Variants in GGT5 observed in about 807,000 individuals in gnomAD.
GGT5 encodes glutathione hydrolase 5 proenzyme.
GGT5 carries 50 observed loss-of-function variants against 58.1 expected under a neutral mutation model. That is an observed-to-expected ratio of 0.86 (90% CI 0.69 to 1.09). The LOEUF is 1.09. Ranked by LOEUF, GGT5 falls within the 50% of genes least tolerant of loss-of-function variation. The pLI is 0.00. For missense variants in GGT5, 800 were observed against 789.4 expected, an observed-to-expected ratio of 1.01 and a Z score of -0.16; for synonymous variants, 370 against 346.1, an observed-to-expected ratio of 1.07 and a Z score of -0.77.
chr22:24,232,439 C>A lies in GGT5; in HGVS notation c.597-231G>T, dbSNP rs540144412. 3.4e-4 allele frequency among the ~76,000 whole-genome samples: 52 copies of A among 152,278 alleles called. 1 individual carries two copies. The South Asian group carries it at 9.9e-3, about 29-fold the overall frequency. On this transcript the variant is annotated intron_variant, in intron 4 of 11. Transcript: ENST00000327365. Reference sequence around the variant, plus strand: ...AGGGAAGGCAAATTTCCCAGTGGGGCCTGGGTCCACCTAGGGCCTGTCATC... The same window carrying A: ...AGGGAAGGCAAATTTCCCAGTGGGGACTGGGTCCACCTAGGGCCTGTCATC...
chr22:24,221,356 G>A (rs1036975960), intron 11 of GGT5, among the ~76,000 whole-genome samples: 2 of 150,876 alleles, frequency 1.3e-5, no homozygotes, highest in Non-Finnish European at 2.9e-5. Context: ...TAAGATCAGT[G>A]CTTGAGAAAT....
In GGT5 at chr22:24,226,717, C is replaced by T. The variant is rs762582016; in HGVS notation, c.952G>A (p.Val318Met). 2.2e-5 allele frequency: 36 copies of T among 1,613,498 alleles called. No homozygotes were observed. The highest frequency in any genetic ancestry group is 2.6e-5 in the Non-Finnish European group (31 of 1,179,586). Residue 318 changes from valine to methionine, a missense_variant, in exon 7 of 12, where the codon GTG becomes ATG. By Grantham distance (21) the Val-to-Met change is conservative. Transcript: ENST00000327365. ...AGCGTCTCTACAAGGTGGTGGTACA[C>T]GTTCACCCTCCCTTCAGGCCTGGCC... ...SMARPEGRVNVYHHLVETLKF... is the reference protein window; with the variant it reads ...SMARPEGRVNMYHHLVETLKF...
intron 8 of GGT5, among the ~76,000 whole-genome samples, chr22:24,225,860 C>T (rs773460385): frequency 1.3e-5 from 2 of 152,162 alleles, no homozygotes; most frequent in Non-Finnish European, 2.9e-5. Flanking sequence ...GTGAGGCTAC[C>T]CATTCCCAGG....
intron 11 of GGT5, chr22:24,220,353 C>G: frequency 1.6e-6 from 1 of 625,512 alleles, no homozygotes; most frequent in Non-Finnish European, 2.9e-6. Flanking sequence ...GGCCCGAAGA[C>G]CTCCAAATGC....
At chr22:24,238,591 C>T (rs1191012203) in intron 1 of GGT5, among the ~76,000 whole-genome samples, 1 of 140,934 alleles carries the variant, frequency 7.1e-6, no homozygotes, top group African/African-American at 2.7e-5. Flanking sequence ...GGAATCCCAG[C>T]TACTCAGGTG....
chr22:24,234,474 G>A (rs934847000), intron 1 of GGT5, among the ~76,000 whole-genome samples: 4 of 152,176 alleles, frequency 2.6e-5, no homozygotes, highest in African/African-American at 9.7e-5. Flanking sequence ...AGGGCATAGG[G>A]CTTGAGCTGA....
Position 24,244,909 on chromosome 22 carries a change from A to C in GGT5, c.-184T>G, listed in dbSNP as rs2048434132. The C allele has an allele frequency of 9.3e-7, 1 of 1,069,696 alleles. No homozygotes were observed. The highest frequency in any genetic ancestry group is 1.3e-6 in the Non-Finnish European group (1 of 768,720). 66.3% of individuals were successfully genotyped at this position (1,069,696 alleles called of 1,614,324 possible). On this transcript the variant is annotated 5_prime_UTR_variant, in exon 1 of 12. Coordinates refer to ENST00000327365, the MANE Select transcript of GGT5 (RefSeq NM_004121.5). Reference sequence around the variant, plus strand: ...TAGGCCAGATAGCTAGACAAAGAGGACAGTAAGAGAAAGATGGTCAGATAG... The same window carrying C: ...TAGGCCAGATAGCTAGACAAAGAGGCCAGTAAGAGAAAGATGGTCAGATAG...
At position 24,226,130 on chromosome 22, in the gene GGT5, GA is replaced by G; in HGVS notation, c.1174del (p.Ser392LeufsTer55). ...WGHGTGTSHVSVLGEDGSAVA... is the reference protein window; with the variant it reads ...WGHGTGTSHVXVLGEDGSAVA... ...GGCGCTGCCATCCTCCCCCAGCACAGACACATGGGACGTGCCTGTCCCGTGG... is the reference window on the plus strand; with the variant it reads ...GGCGCTGCCATCCTCCCCCAGCACAGCACATGGGACGTGCCTGTCCCGTGG... On this transcript the variant is annotated frameshift_variant, in exon 8 of 12. Coordinates refer to ENST00000327365, the MANE Select transcript of GGT5 (RefSeq NM_004121.5). LOFTEE classifies it high-confidence loss of function. 6.2e-7 allele frequency: 1 copy of G among 1,610,608 alleles called. No individual in the cohort carries two copies. Among genetic ancestry groups the G allele is most frequent in the Non-Finnish European group, 8.5e-7 (1 of 1,179,212 alleles).
chr22:24,244,507 G>C (rs1160349220), intron 1 of GGT5, 46 bp downstream of exon 1: 1 of 1,527,002 alleles, frequency 6.5e-7, no homozygotes, highest in South Asian at 1.1e-5. Flanking sequence ...CTCCAGGAGG[G>C]GCTGGCTGCC....
Position 24,244,781 on chromosome 22 carries a change from G to C in GGT5, c.-56C>G. On this transcript the variant is annotated 5_prime_UTR_variant, in exon 1 of 12. Transcript: ENST00000327365. ...TGGTGGGCAGACGGAGGGACGGATG[G>C]GTGGGCAGATGAATGGACAAGAAGA... The C allele has an allele frequency of 6.5e-7, 1 of 1,537,736 alleles. No homozygotes were observed. Among genetic ancestry groups the C allele is most frequent in the Non-Finnish European group, 8.8e-7 (1 of 1,139,778 alleles).
Position 24,223,656 on chromosome 22 carries a change from C to T in GGT5, c.1614+1340G>A, listed in dbSNP as rs532403339. On this transcript the variant is annotated intron_variant, in intron 11 of 11. Coordinates refer to ENST00000327365, the MANE Select transcript of GGT5 (RefSeq NM_004121.5). ...CTGTTCCTGGACTAAGGCCATGGTT[C>T]TCAGGTTCTAAGGGCTTTGGAAGGT... 1.1e-3 allele frequency among the ~76,000 whole-genome samples: 164 copies of T among 151,412 alleles called. 2 individuals are homozygous for T. Among genetic ancestry groups the T allele is most frequent in the African/African-American group, 3.9e-3 (159 of 41,294 alleles).
chr22:24,236,462 T>TA (rs2048097650), intron 1 of GGT5, among the ~76,000 whole-genome samples: 1 of 152,038 alleles, frequency 6.6e-6, no homozygotes, highest in African/African-American at 2.4e-5. Flanking sequence ...CCCTTACATT[T>TA]TAAAAAAATA....
At chr22:24,235,734 A>C (rs2148927103) in intron 1 of GGT5, among the ~76,000 whole-genome samples, 1 of 152,350 alleles carries the variant, frequency 6.6e-6, no homozygotes, top group Non-Finnish European at 1.5e-5. Context: ...CTCCCATCCC[A>C]GACAAAGGCC....
chr22:24,220,455 A>T (rs1218897706), intron 11 of GGT5: 1 of 490,150 alleles, frequency 2.0e-6, no homozygotes, highest in Non-Finnish European at 4.0e-6. Flanking sequence ...TGGCTTCTCA[A>T]GATTTAGACA....
At chr22:24,226,519 C>T (rs2047770616) in intron 7 of GGT5, 112 bp downstream of exon 7, 2 of 1,208,016 alleles carry the variant, frequency 1.7e-6, no homozygotes, top group Middle Eastern at 2.7e-4. Flanking sequence ...TGGCCTAGAA[C>T]CACATACATA....
chr22:24,243,754 C>T (rs2048386849), intron 1 of GGT5: 1 of 152,242 alleles, frequency 6.6e-6, no homozygotes, highest in African/African-American at 2.4e-5. Flanking sequence ...CAGGAAACAC[C>T]CGCTGTGGCC....
At chr22:24,233,242 C>A (rs951533442) in intron 3 of GGT5, among the ~76,000 whole-genome samples, 1 of 152,220 alleles carries the variant, frequency 6.6e-6, no homozygotes, top group African/African-American at 2.4e-5. Flanking sequence ...CACCCTGCCC[C>A]GCCAACCCAT....
At position 24,226,714 on chromosome 22, in the gene GGT5, A is replaced by G; in HGVS notation, c.955T>C (p.Tyr319His). The G allele has an allele frequency of 1.9e-6, 3 of 1,613,620 alleles. No individual in the cohort carries two copies. The highest frequency in any genetic ancestry group is 2.5e-6 in the Non-Finnish European group (3 of 1,179,612). Residue 319 changes from tyrosine (Y) to histidine (H), a missense_variant, in exon 7 of 12, where the codon TAC becomes CAC. Physicochemically the swap from Tyr to His is moderately conservative, Grantham distance 83. Transcript: ENST00000327365. ...MARPEGRVNV[Y>H]HHLVETLKFA... ...TTGAGCGTCTCTACAAGGTGGTGGTACACGTTCACCCTCCCTTCAGGCCTG... is the reference window on the plus strand; with the variant it reads ...TTGAGCGTCTCTACAAGGTGGTGGTGCACGTTCACCCTCCCTTCAGGCCTG...
chr22:24,238,915 T>TATAA (rs1491462085), intron 1 of GGT5, among the ~76,000 whole-genome samples: 1 of 15,056 alleles, frequency 6.6e-5, no homozygotes, highest in African/African-American at 4.3e-4. Context: ...ATTATATATA[T>TATAA]TATATATATA....
Sources: gnomAD v4.1 joint callset for allele counts (sites outside exome capture counted in the v4.1 genomes callset) on GRCh38, gnomAD v4.1.1 for gene constraint, MANE v1.5 for transcripts, NCBI Gene and HGNC (gene_info 2026-07-23, HGNC 2026-07-21) for gene names.